SH3RF1: variants seen among roughly 807,000 people sequenced by gnomAD.
SH3RF1 encodes SH3 domain containing ring finger 1.
A neutral mutation model predicts 74.0 loss-of-function variants in SH3RF1; 32 were observed. That is an observed-to-expected ratio of 0.43 (90% CI 0.33 to 0.58). SH3RF1 has a LOEUF of 0.58. Among genes scored for constraint, SH3RF1 ranks in the 20% least tolerant of loss-of-function variants. The pLI is 0.05. For synonymous variants in SH3RF1, 396 were observed against 439.6 expected (o/e 0.90, Z 1.24); for missense variants, 954 against 1,130.9 (o/e 0.84, Z 2.24).
chr4:169,102,960 C>G (rs1260064145), intron 11 of SH3RF1, among the ~76,000 whole-genome samples: 2 of 114,348 alleles, frequency 1.7e-5, no homozygotes, highest in Non-Finnish European at 3.3e-5. Flanking sequence ...CTCGCTCTGT[C>G]AGGCTGGATG....
chr4:169,120,281 A>G (rs1309374886), intron 8 of SH3RF1, among the ~76,000 whole-genome samples: 1 of 152,258 alleles, frequency 6.6e-6, no homozygotes, highest in Non-Finnish European at 1.5e-5. Context: ...ATTCAGAGGT[A>G]ATTACCAAGT....
intron 11 of SH3RF1, among the ~76,000 whole-genome samples, chr4:169,098,320 ACC>A (rs1303991481): frequency 1.3e-5 from 2 of 152,172 alleles, no homozygotes; most frequent in Non-Finnish European, 2.9e-5. Context: ...GCCTCGTGGG[ACC>A]CACTCCTGAC....
At chr4:169,221,850 C>T (rs200075914) in intron 2 of SH3RF1, among the ~76,000 whole-genome samples, 13 of 152,290 alleles carry the variant, frequency 8.5e-5, no homozygotes, top group African/African-American at 2.4e-4. Flanking sequence ...GATCCAAAAT[C>T]GTTACACAGT....
intron 10 of SH3RF1, among the ~76,000 whole-genome samples, chr4:169,115,484 C>T (rs1433325378): frequency 1.3e-5 from 2 of 152,118 alleles, no homozygotes; most frequent in Admixed American, 1.3e-4. Context: ...GTTGCACACT[C>T]CTTATGAGAA....
intron 11 of SH3RF1, among the ~76,000 whole-genome samples, chr4:169,101,447 G>T (rs1432230036): frequency 6.6e-6 from 1 of 152,078 alleles, no homozygotes; most frequent in African/African-American, 2.4e-5. Context: ...TGGTTGCAGG[G>T]CCTGGAGGAG....
chr4:169,122,231 C>T lies in SH3RF1; in HGVS notation c.1215G>A (p.Leu405=), dbSNP rs548203630. Reference sequence around the variant, plus strand: ...GTGTGGAGGCAAGGACAGTGGCAGCCAGGAGAGGGGGTGGTGGAAGAGGAG... The same window carrying T: ...GTGTGGAGGCAAGGACAGTGGCAGCTAGGAGAGGGGGTGGTGGAAGAGGAG... ...LNPPLPPPPL[L]AATVLASTPP... The change falls in exon 7 of 12, where the codon CTG becomes CTA. Residue 405 remains leucine, a synonymous_variant. Transcript: ENST00000284637. The T allele has an allele frequency of 2.5e-6, 4 of 1,610,404 alleles. No homozygotes were observed. Among genetic ancestry groups the T allele is most frequent in the Non-Finnish European group, 2.5e-6 (3 of 1,178,186 alleles).
intron 2 of SH3RF1, among the ~76,000 whole-genome samples, chr4:169,233,693 T>G (rs1295532905): frequency 6.6e-6 from 1 of 152,250 alleles, no homozygotes; most frequent in Non-Finnish European, 1.5e-5. Flanking sequence ...TGACTGATTT[T>G]CTTCATTGCC....
chr4:169,239,653 T>C (rs1730874501), intron 2 of SH3RF1, among the ~76,000 whole-genome samples: 2 of 152,184 alleles, frequency 1.3e-5, no homozygotes, highest in Non-Finnish European at 2.9e-5. Context: ...TGAAAGCAAG[T>C]ACATTAAAGG....
intron 2 of SH3RF1, among the ~76,000 whole-genome samples, chr4:169,251,759 C>A (rs576889745): frequency 3.3e-5 from 5 of 152,274 alleles, no homozygotes; most frequent in South Asian, 2.1e-4. Flanking sequence ...TGGCTTCCTT[C>A]GTAAGGAAAC....
chr4:169,170,109 C>A (rs1326135323), intron 2 of SH3RF1, among the ~76,000 whole-genome samples: 1 of 151,356 alleles, frequency 6.6e-6, no homozygotes, highest in Non-Finnish European at 1.5e-5. Context: ...ATACTGATCA[C>A]CAAAAATAAG....
Position 169,094,980 on chromosome 4 carries a change from T to C in SH3RF1, c.*1539A>G, listed in dbSNP as rs746788526. ...TGAGAAAACTGTGGTAAGGATCTTA[T>C]TCATTACCAGGCTGTCTTCCCTCCT... On this transcript the variant is annotated 3_prime_UTR_variant, in exon 12 of 12. Coordinates refer to ENST00000284637, the MANE Select transcript of SH3RF1 (RefSeq NM_020870.4). The C allele has an allele frequency of 3.3e-5, 5 of 152,572 alleles. No individual in the cohort carries two copies. Among genetic ancestry groups the C allele is most frequent in the Non-Finnish European group, 7.3e-5 (5 of 68,028 alleles). The allele number at this position is 152,572 out of a possible 1,614,324, so 9.5% of individuals were successfully genotyped here. A position where few individuals can be genotyped will look rare whatever the true frequency, so the allele number is the denominator to read the frequency against.
intron 2 of SH3RF1, among the ~76,000 whole-genome samples, chr4:169,167,677 G>A (rs1734269752): frequency 6.6e-6 from 1 of 152,174 alleles, no homozygotes; most frequent in Admixed American, 6.5e-5. Context: ...CGAATCTCTT[G>A]TGGTAAAAAT....
chr4:169,242,590 G>A (rs1015179232), intron 2 of SH3RF1, among the ~76,000 whole-genome samples: 5 of 152,190 alleles, frequency 3.3e-5, no homozygotes, highest in African/African-American at 1.2e-4. Flanking sequence ...TCATTTGAAT[G>A]TGTCACCCAA....
intron 5 of SH3RF1, among the ~76,000 whole-genome samples, chr4:169,135,253 T>C (rs1240736751): frequency 6.6e-6 from 1 of 152,214 alleles, no homozygotes; most frequent in African/African-American, 2.4e-5. Context: ...ATTTTCATTC[T>C]GTGGTCCAAA....
chr4:169,251,192 AAT>A (rs1731098945), intron 2 of SH3RF1, among the ~76,000 whole-genome samples: 2 of 152,238 alleles, frequency 1.3e-5, no homozygotes, highest in Non-Finnish European at 2.9e-5. Context: ...AGACTATGTC[AAT>A]ACATAGAGCT....
rs116412876 is a variant in SH3RF1 at position 169,145,031 on chromosome 4, G to A, written c.766-8411C>T. 3.4e-3 allele frequency among the ~76,000 whole-genome samples: 525 copies of A among 152,200 alleles called. 8 individuals are homozygous for A. The highest frequency in any genetic ancestry group is 0.01 in the Middle Eastern group (3 of 294). On this transcript the variant is annotated intron_variant, in intron 4 of 11. Transcript: ENST00000284637. ...GACCCAGAAATGAAAAAGGCAAAGA[G>A]TTTCAGAGAGATTAAGAATAGTGTA... is the stretch of plus-strand genomic sequence containing the variant.
chr4:169,170,664 G>A (rs1466816004), intron 2 of SH3RF1, among the ~76,000 whole-genome samples: 3 of 152,142 alleles, frequency 2.0e-5, no homozygotes, highest in Non-Finnish European at 4.4e-5. Context: ...CAGCTCATTA[G>A]ATGACTACTT....
Position 169,117,729 on chromosome 4 carries a change from G to C in SH3RF1, c.1571C>G (p.Thr524Arg), listed in dbSNP as rs1382022137. The change falls in exon 9 of 12, where the codon ACA (threonine) becomes AGA (arginine). Residue 524 changes from threonine to arginine, a missense_variant. This residue lies in a region of SH3RF1 where 854 missense variants were observed against 962.5 expected (regional missense o/e 0.89). Transcript: ENST00000284637. ...AKVPMSTAGQTSRGVTMVSPS... is the reference protein window; with the variant it reads ...AKVPMSTAGQRSRGVTMVSPS... The stretch of plus-strand genomic sequence containing the variant: ...ACTGACCATGGTCACTCCCCGACTT[G>C]TCTGGCCAGCTGTAGACATAGGGAC... 1 of 1,614,178 alleles carries C rather than the reference G, an allele frequency of 6.2e-7. No homozygotes were observed. The highest frequency in any genetic ancestry group is 8.5e-7 in the Non-Finnish European group (1 of 1,180,030).
rs1733457099 is a variant in SH3RF1, at chr4:169,122,420, T to C, written c.1180-154A>G. ...AGGGCAGAATCAGCAGGCTAACTGA[T>C]ATGAAAGCCTGCTTCTACAAATTCA... On this transcript the variant is annotated intron_variant, in intron 6 of 11. Transcript: ENST00000284637. Among the ~76,000 whole-genome samples the C allele has an allele frequency of 2.6e-5, 4 of 152,200 alleles. No individual in the cohort carries two copies. In the South Asian group the frequency reaches 8.3e-4, roughly 32 times the overall value.
Sources: allele counts gnomAD v4.1 joint callset (sites outside exome capture counted in the v4.1 genomes callset), GRCh38; gene constraint gnomAD v4.1.1; regional missense constraint gnomAD v4.1.1; transcripts MANE v1.5; gene names NCBI Gene and HGNC (gene_info 2026-07-23, HGNC 2026-07-21).